The following CIT variants were observed in gnomAD, a reference collection of about 807,000 sequenced individuals.
The protein encoded by CIT is citron Rho-interacting kinase.
A neutral mutation model predicts 272.7 loss-of-function variants in CIT; 79 were observed. The ratio of observed to expected loss-of-function variants is 0.29; its 90% CI spans 0.24 to 0.35. CIT has a LOEUF of 0.35. Ranked by LOEUF, CIT falls within the 10% of genes least tolerant of loss-of-function variation. CIT has a pLI of 1.00. For missense variants in CIT, 1,909 were observed against 2,618.3 expected, an observed-to-expected ratio of 0.73 and a Z score of 5.91; for synonymous variants, 948 against 995.6, an observed-to-expected ratio of 0.95 and a Z score of 0.90.
At chr12:119,708,051 G>C in intron 40 of CIT, 128 bp downstream of exon 40, 1 of 1,047,406 alleles carries the variant, frequency 9.5e-7, no homozygotes, top group Non-Finnish European at 1.3e-6. Context: ...TTTCTTTCAA[G>C]AGAGCCCCTC....
intron 9 of CIT, among the ~76,000 whole-genome samples, chr12:119,813,494 T>C (rs560552756): frequency 2.0e-4 from 31 of 152,292 alleles, no homozygotes; most frequent in South Asian, 1.0e-3. Flanking sequence ...ACCACACTCA[T>C]AGAATTGATT....
intron 9 of CIT, among the ~76,000 whole-genome samples, chr12:119,813,920 CT>C (rs996754328): frequency 2.0e-5 from 3 of 151,970 alleles, no homozygotes; most frequent in Non-Finnish European, 4.4e-5. Flanking sequence ...GCATTCTGGA[CT>C]TTTTTTTCAT....
rs371798044 is a variant in CIT at position 119,708,310 on chromosome 12, G to T, written c.5080C>A (p.Arg1694=). ...EKLLMIAGEE[R]ALCLVDVKKV... ...TTCACGTCCACAAGACACAGTGCCCGCTCTTCTCCTGAACAGGAAAAGGAA... is the reference window on the plus strand; with the variant it reads ...TTCACGTCCACAAGACACAGTGCCCTCTCTTCTCCTGAACAGGAAAAGGAA... The change falls in exon 40 of 48, where the codon CGG becomes AGG. Residue 1694 remains arginine, a synonymous_variant. Coordinates refer to ENST00000392521, the MANE Select transcript of CIT (RefSeq NM_001206999.2). 9.4e-5 allele frequency: 150 copies of T among 1,589,752 alleles called. No individual in the cohort carries two copies. In the South Asian group the frequency reaches 1.6e-3, roughly 17 times the overall value.
intron 10 of CIT, among the ~76,000 whole-genome samples, chr12:119,791,467 T>C (rs547622482): frequency 1.3e-5 from 2 of 152,090 alleles, no homozygotes; most frequent in South Asian, 4.2e-4. Flanking sequence ...GGGGAGTAAT[T>C]AGGTGGGAAG....
At chr12:119,695,510 G>A (rs1236347715) in intron 46 of CIT, among the ~76,000 whole-genome samples, 2 of 152,134 alleles carry the variant, frequency 1.3e-5, no homozygotes, top group Non-Finnish European at 2.9e-5. Flanking sequence ...ATTAAATGGT[G>A]TAGGACCAGA....
Position 119,776,406 on chromosome 12 carries a change from A to C in CIT, c.1839T>G (p.Ala613=). 1 of 1,613,256 alleles carries C rather than the reference A, an allele frequency of 6.2e-7. No homozygotes were observed. Among genetic ancestry groups the C allele is most frequent in the Non-Finnish European group, 8.5e-7 (1 of 1,179,360 alleles). ...ATECQHKLLK[A]KDQGKPEVGE... ...CCACTTCAGGCTTCCCTTGATCCTT[A>C]GCCTGTAATTAAAAAGACACAACAT... The change falls in exon 15 of 48, where the codon GCT becomes GCG. Residue 613 remains alanine, a splice_region_variant and synonymous_variant. Coordinates refer to ENST00000392521, the MANE Select transcript of CIT (RefSeq NM_001206999.2).
chr12:119,758,279 T>C (rs1054473195), intron 21 of CIT, among the ~76,000 whole-genome samples: 2 of 152,206 alleles, frequency 1.3e-5, no homozygotes, highest in African/African-American at 4.8e-5. Flanking sequence ...CACCTCTTAC[T>C]AATTACAGGA....
At chr12:119,761,627 G>A (rs1352201466) in intron 19 of CIT, among the ~76,000 whole-genome samples, 1 of 152,078 alleles carries the variant, frequency 6.6e-6, no homozygotes, top group Non-Finnish European at 1.5e-5. Flanking sequence ...CACCAATAAC[G>A]TAGGTGGATG....
At chr12:119,872,503 T>C (rs1372112942) in intron 2 of CIT, among the ~76,000 whole-genome samples, 1 of 152,204 alleles carries the variant, frequency 6.6e-6, no homozygotes, top group Admixed American at 6.5e-5. Context: ...AGGCAAATGA[T>C]AGGTATATAC....
At chr12:119,825,407 A>C in intron 7 of CIT, 39 bp from the exon 8 acceptor site, 1 of 1,580,900 alleles carries the variant, frequency 6.3e-7, no homozygotes, top group Non-Finnish European at 8.7e-7. Flanking sequence ...GCAAACTTTC[A>C]ATTATCCTCA....
At chr12:119,797,743 T>C (rs1223943714) in intron 10 of CIT, among the ~76,000 whole-genome samples, 1 of 152,148 alleles carries the variant, frequency 6.6e-6, no homozygotes, top group Non-Finnish European at 1.5e-5. Context: ...TAAGGGAAGA[T>C]CCTCCAACCT....
At chr12:119,845,058 T>A (rs1969693644) in intron 5 of CIT, among the ~76,000 whole-genome samples, 2 of 151,886 alleles carry the variant, frequency 1.3e-5, no homozygotes, top group South Asian at 4.2e-4. Flanking sequence ...AGGTGGAGGT[T>A]GCACTGAGCC....
chr12:119,829,393 AGAGAAGAG>A (rs1968444381), intron 7 of CIT, among the ~76,000 whole-genome samples: 1 of 128,906 alleles, frequency 7.8e-6, no homozygotes, highest in African/African-American at 2.6e-5. Context: ...AGAGAAGAGA[AGAGAAGAG>A]AAGAGCTTAC....
chr12:119,718,817 C>T lies in CIT; in HGVS notation c.3885G>A (p.Gln1295=). 6.2e-7 allele frequency: 1 copy of T among 1,614,154 alleles called. No individual in the cohort carries two copies. Among genetic ancestry groups the T allele is most frequent in the Non-Finnish European group, 8.5e-7 (1 of 1,180,032 alleles). The part of the protein sequence containing the change: ...RRKEDPALPT[Q]VPLQYNELKL... ...TCAGCTCATTGTACTGCAGAGGAAC[C>T]TGTGTGGGTAAAGCAGGGTCCTCTT... Residue 1295 remains glutamine, a synonymous_variant, in exon 31 of 48, where the codon CAG becomes CAA. Coordinates refer to ENST00000392521, the MANE Select transcript of CIT (RefSeq NM_001206999.2). The surrounding 1 kb of genome is among the most constrained non-coding windows in gnomAD (Gnocchi z 4.8).
chr12:119,825,540 TAA>T (rs11286691), intron 7 of CIT, among the ~76,000 whole-genome samples, 172 bp from the exon 8 acceptor site: 2,744 of 144,280 alleles, frequency 0.019, 25 homozygotes, highest in Middle Eastern at 0.029. Flanking sequence ...TTTACTAATT[TAA>T]AAAAAAAAAA....
At chr12:119,862,441 A>T (rs1950368510) in intron 3 of CIT, among the ~76,000 whole-genome samples, 1 of 152,066 alleles carries the variant, frequency 6.6e-6, no homozygotes, top group South Asian at 2.1e-4. Context: ...TATGTATGTG[A>T]TGTGCTATAT....
chr12:119,689,190 AAAAC>A (rs72404312), intron 47 of CIT, among the ~76,000 whole-genome samples: 50,103 of 149,650 alleles, frequency 0.33, 9,316 homozygotes, highest in African/African-American at 0.49. Flanking sequence ...AAAACAAAAC[AAAAC>A]AAACAAACAA....
intron 3 of CIT, among the ~76,000 whole-genome samples, 195 bp downstream of exon 3, chr12:119,868,865 C>G (rs1027169792): frequency 6.6e-6 from 1 of 152,118 alleles, no homozygotes; most frequent in African/African-American, 2.4e-5. Context: ...TTAAGTTTGT[C>G]GCTTGCAACC....
At chr12:119,843,915 G>A (rs1969595704) in intron 5 of CIT, among the ~76,000 whole-genome samples, 1 of 152,018 alleles carries the variant, frequency 6.6e-6, no homozygotes, top group African/African-American at 2.4e-5. Flanking sequence ...TGGAATTTCA[G>A]GACTGTACGG....
Sources: allele counts gnomAD v4.1 joint callset (sites outside exome capture counted in the v4.1 genomes callset), GRCh38; gene constraint gnomAD v4.1.1; non-coding constraint Gnocchi (gnomAD v3.1); transcripts MANE v1.5; gene names NCBI Gene and HGNC (gene_info 2026-07-23, HGNC 2026-07-21).